ADAMTS3: variants seen among roughly 807,000 people sequenced by gnomAD.
ADAMTS3 encodes the protein A disintegrin and metalloproteinase with thrombospondin motifs 3.
Under a neutral mutation model 129.0 loss-of-function variants are expected in ADAMTS3, and 73 were observed. That is an observed-to-expected ratio of 0.57 (90% CI 0.47 to 0.69). The LOEUF (loss-of-function observed/expected upper bound fraction) is 0.69. ADAMTS3 is among the 30% of genes least tolerant of loss of function. The pLI, the probability that ADAMTS3 is intolerant of heterozygous loss-of-function variation, is 0.00. For synonymous variants in ADAMTS3, 477 were observed against 510.8 expected, an observed-to-expected ratio of 0.93 and a Z score of 0.89; for missense variants, 1,457 against 1,514.5, an observed-to-expected ratio of 0.96 and a Z score of 0.63.
At chr4:72,509,882 A>C (rs1420716291) in intron 3 of ADAMTS3, among the ~76,000 whole-genome samples, 1 of 152,054 alleles carries the variant, frequency 6.6e-6, no homozygotes, top group South Asian at 2.1e-4. Flanking sequence ...CTAGCAAACC[A>C]AATTCAACAA....
chr4:72,304,576 T>A (rs1057501212), intron 16 of ADAMTS3, among the ~76,000 whole-genome samples: 2 of 152,090 alleles, frequency 1.3e-5, no homozygotes, highest in African/African-American at 4.8e-5. Flanking sequence ...ACAATTTAGT[T>A]CTCATGATTG....
intron 3 of ADAMTS3, among the ~76,000 whole-genome samples, chr4:72,512,502 GAATA>G (rs922951922): frequency 3.3e-5 from 5 of 151,838 alleles, no homozygotes; most frequent in Admixed American, 2.0e-4. Context: ...AAAAATAAAT[GAATA>G]AATAAATAAA....
intron 21 of ADAMTS3, among the ~76,000 whole-genome samples, chr4:72,284,232 T>C (rs544049950): frequency 1.3e-5 from 2 of 152,138 alleles, no homozygotes; most frequent in South Asian, 2.1e-4. Context: ...ATTCTCCAGT[T>C]TGAGATCGAG....
chr4:72,516,232 T>G (rs150372295), intron 3 of ADAMTS3, among the ~76,000 whole-genome samples: 36,108 of 152,062 alleles, frequency 0.24, 4,822 homozygotes, highest in East Asian at 0.44. Flanking sequence ...CTGTTTTGGT[T>G]ACTGTGGCCT....
chr4:72,509,164 CA>C (rs1289459605), intron 3 of ADAMTS3, among the ~76,000 whole-genome samples: 4 of 149,010 alleles, frequency 2.7e-5, no homozygotes, highest in African/African-American at 9.9e-5. Flanking sequence ...GTGTCTACAT[CA>C]AAAAAGAGAA....
chr4:72,320,188 G>A (rs1278692327), intron 7 of ADAMTS3, among the ~76,000 whole-genome samples: 1 of 152,162 alleles, frequency 6.6e-6, no homozygotes, highest in Non-Finnish European at 1.5e-5. Context: ...GGGAAGGAAT[G>A]GCCTGGGGTT....
At chr4:72,559,016 G>T (rs1193595677) in intron 2 of ADAMTS3, among the ~76,000 whole-genome samples, 1 of 151,664 alleles carries the variant, frequency 6.6e-6, no homozygotes, top group Non-Finnish European at 1.5e-5. Flanking sequence ...GGGAGGTGTA[G>T]GGGGAGGTGA....
At chr4:72,389,436 G>A (rs1459082364) in intron 4 of ADAMTS3, among the ~76,000 whole-genome samples, 1 of 150,836 alleles carries the variant, frequency 6.6e-6, no homozygotes, top group East Asian at 1.9e-4. Context: ...ATTGATAGCT[G>A]TTTAATTGTA....
chr4:72,549,530 C>T (rs1056625046), intron 2 of ADAMTS3, among the ~76,000 whole-genome samples: 112 of 152,214 alleles, frequency 7.4e-4, no homozygotes, highest in African/African-American at 2.2e-3. Flanking sequence ...AGTTGTACTC[C>T]TAAGCCCATA....
chr4:72,306,016 T>C lies in ADAMTS3; in HGVS notation c.2231A>G (p.Gln744Arg). The change falls in exon 16 of 22, where the codon CAA becomes CGA. Residue 744 changes from glutamine to arginine, a missense_variant. Transcript: ENST00000286657. ...IPPGARHVLI[Q>R]EDEASPHILA... ...AATATGAGGAGAAGCCTCGTCTTCT[T>C]GGATTAACACATGTCTAGCCCCAGG... The C allele has an allele frequency of 6.2e-7, 1 of 1,611,938 alleles. No homozygotes were observed. Among genetic ancestry groups the C allele is most frequent in the East Asian group, 2.2e-5 (1 of 44,772 alleles).
intron 3 of ADAMTS3, among the ~76,000 whole-genome samples, chr4:72,427,453 G>A (rs759656579): frequency 6.6e-6 from 1 of 152,004 alleles, no homozygotes; most frequent in Non-Finnish European, 1.5e-5. Flanking sequence ...TATGTTGGAG[G>A]TTCTCAGGTA....
intron 6 of ADAMTS3, 132 bp from the exon 7 acceptor site, chr4:72,321,002 A>G (rs1362500928): frequency 1.1e-6 from 1 of 911,260 alleles, no homozygotes; most frequent in East Asian, 2.8e-5. Context: ...GCTTATTCTG[A>G]TATTTGCTTT....
chr4:72,436,514 C>A (rs1039732192), intron 3 of ADAMTS3, among the ~76,000 whole-genome samples: 30 of 152,070 alleles, frequency 2.0e-4, no homozygotes, highest in African/African-American at 6.0e-4. Flanking sequence ...GGGTATATAC[C>A]CAAAGGAATA....
chr4:72,306,140 T>G (rs1208097910), intron 15 of ADAMTS3, 73 bp from the exon 16 acceptor site: 1 of 1,081,930 alleles, frequency 9.2e-7, no homozygotes, highest in East Asian at 2.7e-5. Context: ...AGTTGAGCAC[T>G]ACATTCTTAC....
At chr4:72,419,172 T>C (rs1722381935) in intron 3 of ADAMTS3, among the ~76,000 whole-genome samples, 1 of 152,222 alleles carries the variant, frequency 6.6e-6, no homozygotes, top group African/African-American at 2.4e-5. Flanking sequence ...AATGTGTTCT[T>C]TTCTCTCCTG....
chr4:72,370,771 C>T (rs189853997), intron 4 of ADAMTS3, among the ~76,000 whole-genome samples: 2 of 152,012 alleles, frequency 1.3e-5, no homozygotes, highest in African/African-American at 4.8e-5. Context: ...ATAAATAAGA[C>T]AATTAGGGAA....
chr4:72,479,148 C>T (rs1305672217), intron 3 of ADAMTS3, among the ~76,000 whole-genome samples: 1 of 152,056 alleles, frequency 6.6e-6, no homozygotes, highest in Non-Finnish European at 1.5e-5. Context: ...AATGCCATAC[C>T]CATCAAGCTA....
chr4:72,426,639 CA>C (rs1722580510), intron 3 of ADAMTS3, among the ~76,000 whole-genome samples: 1 of 152,082 alleles, frequency 6.6e-6, no homozygotes, highest in Admixed American at 6.6e-5. Context: ...ATAATCCCAA[CA>C]CAGTGAGAGA....
chr4:72,495,759 C>T (rs139424682), intron 3 of ADAMTS3, among the ~76,000 whole-genome samples: 9 of 152,156 alleles, frequency 5.9e-5, no homozygotes, highest in African/African-American at 1.9e-4. Flanking sequence ...CAACCCAGAT[C>T]TTTAGAACAT....
Sources: gnomAD v4.1 joint callset for allele counts (sites outside exome capture counted in the v4.1 genomes callset) on GRCh38, gnomAD v4.1.1 for gene constraint, MANE v1.5 for transcripts, NCBI Gene and HGNC (gene_info 2026-07-23, HGNC 2026-07-21) for gene names.